PAMR1: variants seen among roughly 807,000 people sequenced by gnomAD.
PAMR1 encodes inactive serine protease PAMR1.
A neutral mutation model predicts 81.8 loss-of-function variants in PAMR1; 88 were observed. That is an observed-to-expected ratio of 1.08 (90% CI 0.91 to 1.28). The LOEUF is 1.28. Among genes scored for constraint, PAMR1 ranks in the 50% most tolerant of loss-of-function variants. The pLI is 0.00. For missense variants in PAMR1, 935 were observed against 919.7 expected (o/e 1.02, Z -0.21); for synonymous variants, 336 against 345.3 (o/e 0.97, Z 0.30).
chr11:35,494,993 C>T (rs1460860291), intron 1 of PAMR1, among the ~76,000 whole-genome samples: 4 of 123,638 alleles, frequency 3.2e-5, no homozygotes, highest in African/African-American at 1.0e-4. Flanking sequence ...CTGTTTACGA[C>T]TACATAGGTT....
intron 1 of PAMR1, among the ~76,000 whole-genome samples, chr11:35,521,918 T>G (rs1485533549): frequency 3.3e-5 from 5 of 151,900 alleles, no homozygotes; most frequent in African/African-American, 1.2e-4. Flanking sequence ...TTGTTTGGTT[T>G]TTTTTTGTTT....
intron 1 of PAMR1, among the ~76,000 whole-genome samples, chr11:35,507,465 GTTTC>G (rs1470745995): frequency 3.3e-5 from 5 of 152,034 alleles, no homozygotes; most frequent in East Asian, 3.9e-4. Flanking sequence ...TTTCTGTTTG[GTTTC>G]TTTATTATTA....
chr11:35,460,045 GTACA>G (rs1423332238), intron 6 of PAMR1, among the ~76,000 whole-genome samples: 2 of 152,246 alleles, frequency 1.3e-5, no homozygotes, highest in Non-Finnish European at 2.9e-5. Context: ...TATTGCTTTA[GTACA>G]TGGATACCAA....
intron 3 of PAMR1, among the ~76,000 whole-genome samples, chr11:35,478,288 C>A (rs983242242): frequency 6.6e-6 from 1 of 152,214 alleles, no homozygotes; most frequent in African/African-American, 2.4e-5. Flanking sequence ...CAGTCCCCAT[C>A]CTCACCCAGA....
At chr11:35,510,129 A>C (rs1245881034) in intron 1 of PAMR1, among the ~76,000 whole-genome samples, 1 of 152,202 alleles carries the variant, frequency 6.6e-6, no homozygotes, top group Non-Finnish European at 1.5e-5. Context: ...TAAAACACTT[A>C]AGACTTCATT....
chr11:35,505,738 T>C (rs1213849981), intron 1 of PAMR1, among the ~76,000 whole-genome samples: 1 of 152,182 alleles, frequency 6.6e-6, no homozygotes, highest in African/African-American at 2.4e-5. Context: ...ATTCAGTCTG[T>C]ATCTGTATAA....
chr11:35,488,741 T>C (rs767530434), intron 3 of PAMR1, among the ~76,000 whole-genome samples: 27 of 134,836 alleles, frequency 2.0e-4, no homozygotes, highest in Non-Finnish European at 4.1e-4. Flanking sequence ...GCATAGCTAA[T>C]TTTGTATTGT....
At chr11:35,518,559 G>A (rs1851212829) in intron 1 of PAMR1, among the ~76,000 whole-genome samples, 1 of 138,568 alleles carries the variant, frequency 7.2e-6, no homozygotes, top group Admixed American at 7.4e-5. Flanking sequence ...GACAAAAAGA[G>A]GCTCTGTGGT....
At chr11:35,491,942 CT>C in intron 3 of PAMR1, 102 bp downstream of exon 3, 1 of 1,083,690 alleles carries the variant, frequency 9.2e-7, no homozygotes. Flanking sequence ...TGGCTGCAGG[CT>C]TTCCAAAACT....
rs1856034340 is a variant in PAMR1 at position 35,435,983 on chromosome 11, A to G, written c.1253T>C (p.Phe418Ser). The G allele has an allele frequency of 6.2e-7, 1 of 1,614,168 alleles. No individual in the cohort carries two copies. Among genetic ancestry groups the G allele is most frequent in the Non-Finnish European group, 8.5e-7 (1 of 1,180,036 alleles). Residue 418 changes from phenylalanine (F) to serine (S), a missense_variant, in exon 9 of 11, where the codon TTC becomes TCC. Transcript: ENST00000619888. ...TQLQYECISP[F>S]YRRLGSSRRT... Reference sequence around the variant, plus strand: ...CCTGCTGCTGCCCAGGCGGCGGTAGAAGGGTGAGATGCACTCATACTGGAG... The same window carrying G: ...CCTGCTGCTGCCCAGGCGGCGGTAGGAGGGTGAGATGCACTCATACTGGAG...
At position 35,470,667 on chromosome 11, in the gene PAMR1, C is replaced by T. The variant is rs200826829; in HGVS notation, c.646G>A (p.Val216Ile). The change falls in exon 5 of 11, where the codon GTC becomes ATC. Residue 216 changes from valine to isoleucine, a missense_variant. Transcript: ENST00000619888. ...TTGGAGCCATCGGAGTGGAAGAGGA[C>T]GTGGAGTGAGGATCCTATGCTCTGG... ...PIQSIGSSLH[V>I]LFHSDGSKNF... 526 of 1,614,132 alleles carry T rather than the reference C, an allele frequency of 3.3e-4. 6 individuals carry two copies. The highest frequency in any genetic ancestry group is 4.5e-4 in the South Asian group (41 of 91,078).
chr11:35,485,371 A>G (rs1590364152), intron 3 of PAMR1, among the ~76,000 whole-genome samples: 1 of 152,320 alleles, frequency 6.6e-6, no homozygotes, highest in South Asian at 2.1e-4. Context: ...TATTCTTTCA[A>G]CTCTCTGTAG....
Position 35,525,542 on chromosome 11 carries a change from T to G in PAMR1, c.44A>C (p.Gln15Pro). The change falls in exon 1 of 11, where the codon CAG becomes CCG. Residue 15 changes from glutamine (Q) to proline (P), a missense_variant. Coordinates refer to ENST00000619888, the MANE Select transcript of PAMR1 (RefSeq NM_001001991.3). ...CWTQLGLTFL[Q>P]LLLISSLPRE... Reference sequence around the variant, plus strand: ...TGGCAAGGACGAGATGAGAAGGAGCTGAAGAAAAGTGAGCCCCAACTGCGT... The same window carrying G: ...TGGCAAGGACGAGATGAGAAGGAGCGGAAGAAAAGTGAGCCCCAACTGCGT... 6.2e-7 allele frequency: 1 copy of G among 1,613,950 alleles called. No individual in the cohort carries two copies. The highest frequency in any genetic ancestry group is 8.5e-7 in the Non-Finnish European group (1 of 1,179,940).
At chr11:35,474,459 G>A (rs558456430) in intron 4 of PAMR1, among the ~76,000 whole-genome samples, 171 bp downstream of exon 4, 44 of 152,214 alleles carry the variant, frequency 2.9e-4, no homozygotes, top group Non-Finnish European at 1.3e-4. Context: ...TTGATGACAA[G>A]CATTTAGTTG....
At chr11:35,485,140 G>A (rs1241768951) in intron 3 of PAMR1, among the ~76,000 whole-genome samples, 1 of 152,096 alleles carries the variant, frequency 6.6e-6, no homozygotes, top group Non-Finnish European at 1.5e-5. Context: ...GAGGGTCAGG[G>A]GTAGAATGCA....
At chr11:35,506,116 TA>T (rs200736970) in intron 1 of PAMR1, among the ~76,000 whole-genome samples, 258 of 145,954 alleles carry the variant, frequency 1.8e-3, no homozygotes, top group Middle Eastern at 3.5e-3. Flanking sequence ...CTTAGATCAC[TA>T]AAAAAAAAAA....
At chr11:35,516,678 T>C (rs1245573761) in intron 1 of PAMR1, among the ~76,000 whole-genome samples, 1 of 152,224 alleles carries the variant, frequency 6.6e-6, no homozygotes, top group Non-Finnish European at 1.5e-5. Flanking sequence ...ACCCATGTGC[T>C]GTCTCTATGG....
chr11:35,448,331 A>T (rs1459864727), intron 6 of PAMR1, among the ~76,000 whole-genome samples: 3 of 151,078 alleles, frequency 2.0e-5, no homozygotes, highest in Non-Finnish European at 3.0e-5. Context: ...GGTTTGGTTC[A>T]TTCCTTTTCA....
intron 3 of PAMR1, among the ~76,000 whole-genome samples, chr11:35,481,948 T>A (rs1850402708): frequency 6.6e-6 from 1 of 152,234 alleles, no homozygotes; most frequent in Non-Finnish European, 1.5e-5. Flanking sequence ...TTTTGTCAGA[T>A]GGGTAGATTA....
Sources: gnomAD v4.1 joint callset for allele counts (sites outside exome capture counted in the v4.1 genomes callset) on GRCh38, gnomAD v4.1.1 for gene constraint, MANE v1.5 for transcripts, NCBI Gene and HGNC (gene_info 2026-07-23, HGNC 2026-07-21) for gene names.